SNX6: variants seen among roughly 807,000 people sequenced by gnomAD.
SNX6 encodes sorting nexin-6.
In SNX6, 34 loss-of-function variants were observed where a neutral mutation model predicts 63.0. That is an observed-to-expected ratio of 0.54 (90% CI 0.41 to 0.72). The LOEUF (loss-of-function observed/expected upper bound fraction) is 0.72, where lower values mean the gene tolerates loss of function less well. SNX6 is among the 30% of genes least tolerant of loss of function. The probability of loss-of-function intolerance (pLI) is 0.00; values close to 1 mark genes in which losing one functional copy is unlikely to be tolerated. For missense variants in SNX6, 398 were observed against 471.4 expected (o/e 0.84, Z 1.44); for synonymous variants, 170 against 164.2 (o/e 1.04, Z -0.27).
chr14:34,576,574 G>A (rs961272475), intron 10 of SNX6, among the ~76,000 whole-genome samples: 3 of 151,214 alleles, frequency 2.0e-5, no homozygotes, highest in African/African-American at 7.3e-5. Flanking sequence ...GCAGCCTCCC[G>A]AGTAGCTGGA....
chr14:34,604,647 T>C (rs1012498413), intron 5 of SNX6, among the ~76,000 whole-genome samples: 1 of 152,048 alleles, frequency 6.6e-6, no homozygotes, highest in Admixed American at 6.6e-5. Flanking sequence ...ACTCCAAATG[T>C]TTAACAAAAG....
intron 7 of SNX6, among the ~76,000 whole-genome samples, chr14:34,593,493 G>A (rs1466311146): frequency 1.3e-5 from 2 of 151,280 alleles, no homozygotes; most frequent in Admixed American, 6.6e-5. Context: ...TCTGCCTCCC[G>A]GGTTCAAGCG....
chr14:34,627,771 T>C (rs1217644883), intron 2 of SNX6, among the ~76,000 whole-genome samples: 1 of 152,016 alleles, frequency 6.6e-6, no homozygotes, highest in African/African-American at 2.4e-5. Context: ...ATTACAGGCG[T>C]GAGCCACCGT....
chr14:34,570,725 C>CTCTT (rs1555323962), intron 11 of SNX6, among the ~76,000 whole-genome samples: 1 of 114,384 alleles, frequency 8.7e-6, no homozygotes, highest in South Asian at 3.2e-4. Flanking sequence ...CTGGCCTTCT[C>CTCTT]TTTTTTTTTT....
chr14:34,604,220 G>C (rs1228588905), intron 5 of SNX6: 1 of 1,288,842 alleles, frequency 7.8e-7, no homozygotes, highest in South Asian at 1.2e-5. Flanking sequence ...AGGATGCAGA[G>C]GATGGAGGTA....
At chr14:34,583,850 CT>C (rs67586044) in intron 9 of SNX6, among the ~76,000 whole-genome samples, 25 of 142,790 alleles carry the variant, frequency 1.8e-4, no homozygotes, top group Admixed American at 2.1e-4. Context: ...GGGAAGGTGG[CT>C]TTTTTTTTTT....
rs763600661 is a variant in SNX6, at chr14:34,608,023, T to C, written c.270+7A>G. ...AAATGGAATTAAAATGGAGTCTCAATACTTACGATATAACCTGCATAGTCT... is the reference window on the plus strand; with the variant it reads ...AAATGGAATTAAAATGGAGTCTCAACACTTACGATATAACCTGCATAGTCT... On this transcript the variant is annotated splice_region_variant and intron_variant, in intron 4 of 13. Transcript: ENST00000362031. 7.6e-6 allele frequency: 11 copies of C among 1,440,784 alleles called. No homozygotes were observed. The highest frequency in any genetic ancestry group is 1.1e-5 in the Non-Finnish European group (11 of 1,040,248). The allele number at this position is 1,440,784 out of a possible 1,614,324, so 89.2% of individuals were successfully genotyped here. A position where few individuals can be genotyped will look rare whatever the true frequency, so the allele number is the denominator to read the frequency against.
chr14:34,567,621 G>T, intron 13 of SNX6, 65 bp downstream of exon 13: 1 of 1,248,164 alleles, frequency 8.0e-7, no homozygotes, highest in Non-Finnish European at 1.2e-6. Context: ...AATTATCAAT[G>T]TCATAACTGA....
chr14:34,583,888 C>A lies in SNX6; in HGVS notation c.795-2288G>T, dbSNP rs886879395. Among the ~76,000 whole-genome samples, 4 of 145,192 alleles carry A rather than the reference C, an allele frequency of 2.8e-5. No individual in the cohort carries two copies. In the South Asian group the frequency reaches 8.8e-4, roughly 32 times the overall value. The stretch of plus-strand genomic sequence containing the variant: ...TTAAGACGGAGTTTCTCTCTTGTTG[C>A]CAAGGCTAGAGTACAATGGCGCAAT... On this transcript the variant is annotated intron_variant, in intron 9 of 13. Coordinates refer to ENST00000362031, the MANE Select transcript of SNX6 (RefSeq NM_152233.4).
At chr14:34,617,243 G>A (rs1401698616) in intron 2 of SNX6, among the ~76,000 whole-genome samples, 2 of 152,122 alleles carry the variant, frequency 1.3e-5, no homozygotes, top group East Asian at 3.9e-4. Flanking sequence ...CTGGTCAAGA[G>A]AAAGATTATG....
At chr14:34,610,874 A>C (rs1883201535) in intron 2 of SNX6, among the ~76,000 whole-genome samples, 1 of 152,212 alleles carries the variant, frequency 6.6e-6, no homozygotes, top group Non-Finnish European at 1.5e-5. Context: ...GACTTAGAGA[A>C]TCTCACCTGG....
Position 34,585,321 on chromosome 14 carries a change from A to T in SNX6, c.794+909T>A, listed in dbSNP as rs1358673904. ...GGCCACTTGAAGTCAAGGGCTTGAG[A>T]CCAGCCTGGCCAATATGGTGAAACC... On this transcript the variant is annotated intron_variant, in intron 9 of 13. Coordinates refer to ENST00000362031, the MANE Select transcript of SNX6 (RefSeq NM_152233.4). Among the ~76,000 whole-genome samples the T allele has an allele frequency of 2.0e-5, 3 of 152,046 alleles. No individual in the cohort carries two copies. The East Asian group carries it at 5.9e-4, about 30-fold the overall frequency.
intron 6 of SNX6, among the ~76,000 whole-genome samples, chr14:34,599,453 T>C (rs902846232): frequency 1.5e-4 from 23 of 152,038 alleles, no homozygotes; most frequent in Middle Eastern, 3.4e-3. Context: ...CTAAAAATAC[T>C]AAAACTAGCT....
At chr14:34,582,978 G>A (rs149438039) in intron 9 of SNX6, among the ~76,000 whole-genome samples, 2 of 151,988 alleles carry the variant, frequency 1.3e-5, no homozygotes, top group Admixed American at 6.6e-5. Context: ...AGTGGGGCAC[G>A]ATGGTGCAAT....
At chr14:34,629,362 T>C in intron 2 of SNX6, 1 of 378,620 alleles carries the variant, frequency 2.6e-6, no homozygotes, top group Non-Finnish European at 5.4e-6. Context: ...AAAGATACCA[T>C]GGGCTACCTG....
chr14:34,627,682 G>T (rs914859294), intron 2 of SNX6, among the ~76,000 whole-genome samples: 1 of 152,044 alleles, frequency 6.6e-6, no homozygotes, highest in Admixed American at 6.6e-5. Flanking sequence ...TAGAGACAGG[G>T]TTTCACCATG....
intron 11 of SNX6, among the ~76,000 whole-genome samples, chr14:34,569,431 T>G (rs958535684): frequency 5.9e-5 from 9 of 151,922 alleles, no homozygotes; most frequent in South Asian, 4.2e-4. Flanking sequence ...GTTTTTTTTT[T>G]TTGTTTTTTG....
intron 2 of SNX6, among the ~76,000 whole-genome samples, chr14:34,621,153 C>T (rs868841029): frequency 1.3e-5 from 2 of 151,966 alleles, no homozygotes; most frequent in African/African-American, 4.8e-5. Flanking sequence ...CTCTACAGAC[C>T]CCAGACTGGT....
At chr14:34,568,155 T>C in intron 11 of SNX6, 142 bp from the exon 12 acceptor site, 1 of 669,150 alleles carries the variant, frequency 1.5e-6, no homozygotes, top group Admixed American at 3.5e-5. Flanking sequence ...TTTTTTTTTT[T>C]TTTTTTGAGG....
Sources: gnomAD v4.1 joint callset for allele counts (sites outside exome capture counted in the v4.1 genomes callset) on GRCh38, gnomAD v4.1.1 for gene constraint, MANE v1.5 for transcripts, NCBI Gene and HGNC (gene_info 2026-07-23, HGNC 2026-07-21) for gene names.